The following P2RY8 variants were observed in gnomAD, a reference collection of about 807,000 sequenced individuals.
P2RY8 encodes the protein P2Y receptor family member 8, also known as S-geranylgeranyl-glutathione receptor P2RY8.
A neutral mutation model predicts 10.0 loss-of-function variants in P2RY8; 6 were observed. The observed-to-expected ratio is 0.60, with a 90% CI of 0.33 to 1.19. P2RY8 has a LOEUF of 1.19. P2RY8 is among the 50% of genes most tolerant of loss of function. P2RY8 has a pLI of 0.04. For missense variants in P2RY8, 456 were observed against 542.0 expected (o/e 0.84, Z 1.58); for synonymous variants, 276 against 252.5 (o/e 1.09, Z -0.88).
chrX:1,524,804 C>T (rs867957486), intron 1 of P2RY8, among the ~76,000 whole-genome samples: 661 of 30,324 alleles, frequency 0.022, 9 homozygotes, highest in Admixed American at 0.034. Context: ...CATCCATCCA[C>T]TCATCCATCC....
chrX:1,489,618 A>C lies in P2RY8; in HGVS notation c.-24-23036T>G, dbSNP rs191780386. On this transcript the variant is annotated intron_variant, in intron 1 of 1. Coordinates refer to ENST00000381297, the MANE Select transcript of P2RY8 (RefSeq NM_178129.5). Reference sequence around the variant, plus strand: ...CCTGCAAATGTGGAGGGAACGAATGAATGACATCCAGGGCTTCCCTGCAAA... The same window carrying C: ...CCTGCAAATGTGGAGGGAACGAATGCATGACATCCAGGGCTTCCCTGCAAA... Among the ~76,000 whole-genome samples the C allele has an allele frequency of 3.7e-3, 557 of 152,188 alleles. 3 individuals carry two copies. Among genetic ancestry groups the C allele is most frequent in the African/African-American group, 0.013 (528 of 41,518 alleles).
At chrX:1,470,346 T>C (rs2091769082) in intron 1 of P2RY8, among the ~76,000 whole-genome samples, 1 of 152,100 alleles carries the variant, frequency 6.6e-6, no homozygotes, top group Non-Finnish European at 1.5e-5. Flanking sequence ...ACCCTGTCTC[T>C]ACTAAAAATA....
chrX:1,514,665 CCT>C (rs1485315411), intron 1 of P2RY8, among the ~76,000 whole-genome samples: 1 of 1,504 alleles, frequency 6.6e-4, no homozygotes, highest in African/African-American at 7.5e-4. Context: ...CCCTCCCTTC[CCT>C]TCCCTTCCTT....
intron 1 of P2RY8, among the ~76,000 whole-genome samples, chrX:1,499,547 T>A (rs28649312): frequency 0.65 from 98,313 of 151,940 alleles, 32,885 homozygotes; most frequent in East Asian, 0.99. Flanking sequence ...GATCGCCTCT[T>A]ACGCCCAAAC....
chrX:1,525,400 GCA>G (rs1374052677), intron 1 of P2RY8, among the ~76,000 whole-genome samples: 1 of 152,206 alleles, frequency 6.6e-6, no homozygotes, highest in East Asian at 1.9e-4. Context: ...ACGCAGACAT[GCA>G]CAGAGGGAAG....
At chrX:1,490,207 C>T (rs1353452858) in intron 1 of P2RY8, among the ~76,000 whole-genome samples, 3 of 135,688 alleles carry the variant, frequency 2.2e-5, no homozygotes, top group African/African-American at 8.8e-5. Context: ...TTCACTTCTG[C>T]AAATGTAGAG....
At chrX:1,504,301 C>G (rs754568945) in intron 1 of P2RY8, among the ~76,000 whole-genome samples, 5 of 133,888 alleles carry the variant, frequency 3.7e-5, no homozygotes, top group Non-Finnish European at 3.2e-5. Flanking sequence ...GGGCAACAGA[C>G]CAAGACTCTG....
intron 1 of P2RY8, among the ~76,000 whole-genome samples, chrX:1,488,487 G>T (rs1284818136): frequency 2.0e-5 from 3 of 152,148 alleles, no homozygotes; most frequent in Non-Finnish European, 4.4e-5. Context: ...GGCCCATGCA[G>T]CTCCTTATGC....
At chrX:1,517,566 G>A (rs1158030698) in intron 1 of P2RY8, among the ~76,000 whole-genome samples, 1 of 152,152 alleles carries the variant, frequency 6.6e-6, no homozygotes, top group East Asian at 1.9e-4. Context: ...TGAGCAAAAT[G>A]GAAACTAATT....
chrX:1,504,303 A>G (rs1293737533), intron 1 of P2RY8, among the ~76,000 whole-genome samples: 2 of 127,428 alleles, frequency 1.6e-5, no homozygotes, highest in Non-Finnish European at 1.7e-5. Context: ...GCAACAGACC[A>G]AGACTCTGTG....
At chrX:1,467,050 C>A (rs1192915541) in intron 1 of P2RY8, among the ~76,000 whole-genome samples, 3 of 152,006 alleles carry the variant, frequency 2.0e-5, no homozygotes, top group Non-Finnish European at 4.4e-5. Flanking sequence ...CAGTGTCCCC[C>A]GTGGACGGAA....
intron 1 of P2RY8, among the ~76,000 whole-genome samples, chrX:1,509,805 CT>C (rs1569538164): frequency 0.011 from 763 of 69,890 alleles, 1 homozygote; most frequent in Non-Finnish European, 0.019. Context: ...TCCTATCTAT[CT>C]ATCTATCTAT....
intron 1 of P2RY8, among the ~76,000 whole-genome samples, chrX:1,476,497 G>T (rs1247216704): frequency 6.6e-6 from 1 of 151,664 alleles, no homozygotes; most frequent in Non-Finnish European, 1.5e-5. Flanking sequence ...TGAGGCAGGA[G>T]AATGGCATGA....
At chrX:1,487,107 C>G (rs1235694689) in intron 1 of P2RY8, among the ~76,000 whole-genome samples, 1 of 152,204 alleles carries the variant, frequency 6.6e-6, no homozygotes, top group African/African-American at 2.4e-5. Context: ...CTGATTTGAG[C>G]TTGGCTGGGC....
At position 1,515,951 on chromosome X, in the gene P2RY8, G is replaced by GGGC. The variant is rs1556684137; in HGVS notation, c.-25+20969_-25+20970insGCC. On this transcript the variant is annotated intron_variant, in intron 1 of 1. Transcript: ENST00000381297. ...CACTTTGGGAGGCCGAGGGGTCGGG[G>GGGC]GGTGGTGGATCACCTGAGGTCAGGA... Among the ~76,000 whole-genome samples, 259 of 119,080 alleles carry GGGC rather than the reference G, an allele frequency of 2.2e-3. 7 individuals are homozygous for GGGC. The highest frequency in any genetic ancestry group is 7.1e-3 in the African/African-American group (243 of 34,418). 78.1% of individuals were successfully genotyped at this position (119,080 alleles called of 152,430 possible). A position where few individuals can be genotyped will look rare whatever the true frequency, so the allele number is the denominator to read the frequency against.
At chrX:1,470,650 A>G (rs2091772962) in intron 1 of P2RY8, among the ~76,000 whole-genome samples, 1 of 152,126 alleles carries the variant, frequency 6.6e-6, no homozygotes, top group Non-Finnish European at 1.5e-5. Context: ...TATAAGAATA[A>G]AATTCTACAA....
intron 1 of P2RY8, among the ~76,000 whole-genome samples, chrX:1,506,079 G>A (rs28401714): frequency 0.49 from 71,306 of 145,522 alleles, 17,898 homozygotes; most frequent in East Asian, 0.89. Flanking sequence ...TGCAAGCTCC[G>A]CCTCCCGGGT....
intron 1 of P2RY8, among the ~76,000 whole-genome samples, chrX:1,503,074 T>C (rs1339897814): frequency 6.6e-6 from 1 of 151,368 alleles, no homozygotes; most frequent in Non-Finnish European, 1.5e-5. Flanking sequence ...CTAAATCCAA[T>C]GACAGGTGCC....
intron 1 of P2RY8, among the ~76,000 whole-genome samples, chrX:1,494,868 A>ATT (rs1478496212): frequency 0.035 from 869 of 24,520 alleles, 3 homozygotes; most frequent in Non-Finnish European, 0.13. Flanking sequence ...ACACCTGGCT[A>ATT]ATTTTTTTTT....
Sources: allele counts gnomAD v4.1 joint callset (sites outside exome capture counted in the v4.1 genomes callset), GRCh38; gene constraint gnomAD v4.1.1; transcripts MANE v1.5; gene names NCBI Gene and HGNC (gene_info 2026-07-23, HGNC 2026-07-21).